GLYATL2: variants seen among roughly 807,000 people sequenced by gnomAD.
GLYATL2 encodes the protein glycine-N-acyltransferase like 2.
A neutral mutation model predicts 21.4 loss-of-function variants in GLYATL2; 25 were observed. The observed-to-expected ratio is 1.17, with a 90% CI of 0.85 to 1.63. GLYATL2 has a LOEUF of 1.63. GLYATL2 is among the 40% of genes most tolerant of loss of function. GLYATL2 has a pLI of 0.00. For synonymous variants in GLYATL2, 114 were observed against 118.2 expected (o/e 0.96, Z 0.23); for missense variants, 361 against 343.3 (o/e 1.05, Z -0.41).
chr11:58,885,476 A>T (rs1854420452), intron 1 of GLYATL2: 1 of 511,006 alleles, frequency 2.0e-6, no homozygotes, highest in Non-Finnish European at 3.9e-6. Flanking sequence ...GAACCCCTTC[A>T]ACATGGAGGT....
rs71064493 is a variant in GLYATL2 at position 58,840,840 on chromosome 11, A to AAAAATAAAATAAAATAAAATAAAAT, written c.-40-1213_-40-1189dup. On this transcript the variant is annotated intron_variant, in intron 1 of 5. Transcript: ENST00000287275. ...GGTGACAGTGTGAGACTCTATCTCA[A>AAAAATAAAATAAAATAAAATAAAAT]AAAATAAAATAAAATAAAATAAAAT... 604 of 134,900 alleles carry AAAAATAAAATAAAATAAAATAAAAT rather than the reference A, an allele frequency of 4.5e-3. 5 individuals carry two copies. Among genetic ancestry groups the AAAAATAAAATAAAATAAAATAAAAT allele is most frequent in the African/African-American group, 0.016 (575 of 35,562 alleles). The allele number at this position is 134,900 out of a possible 1,614,324, so 8.4% of individuals were successfully genotyped here.
At chr11:58,872,632 C>G (rs987468539) in intron 1 of GLYATL2, among the ~76,000 whole-genome samples, 1 of 152,210 alleles carries the variant, frequency 6.6e-6, no homozygotes, top group Non-Finnish European at 1.5e-5. Context: ...CTGTTCTGTT[C>G]CATTGATCTA....
rs775116293 is a variant in GLYATL2, at chr11:58,837,142, C to A, written c.349G>T (p.Val117Phe). The change falls in exon 5 of 6, where the codon GTT (valine) becomes TTT (phenylalanine). Residue 117 changes from valine (V) to phenylalanine (F), a missense_variant. Val to Phe is a conservative substitution (Grantham distance 50, BLOSUM62 -1). Coordinates refer to ENST00000287275, the MANE Select transcript of GLYATL2 (RefSeq NM_145016.4). ...QEGLDEAIRKVATSKSVQVDY... is the reference protein window; with the variant it reads ...QEGLDEAIRKFATSKSVQVDY... ...ACCTGCACTGATTTTGAAGTTGCAA[C>A]CTTTCTTATTGCTTCATCCAAGCCC... 1.7e-5 allele frequency: 28 copies of A among 1,613,792 alleles called. No homozygotes were observed. The South Asian group carries it at 2.0e-4, about 11-fold the overall frequency.
chr11:58,838,909 T>C (rs1853492934), intron 2 of GLYATL2, among the ~76,000 whole-genome samples: 1 of 152,110 alleles, frequency 6.6e-6, no homozygotes, highest in African/African-American at 2.4e-5. Context: ...TCAGAAGCAA[T>C]ATCTGAACTG....
At chr11:58,903,406 C>T (rs898364259) in intron 1 of GLYATL2, among the ~76,000 whole-genome samples, 15 of 152,110 alleles carry the variant, frequency 9.9e-5, no homozygotes, top group African/African-American at 2.7e-4. Flanking sequence ...GGTGCAGTGG[C>T]TCATATCTGT....
At chr11:58,857,150 G>A (rs1480252199) in intron 1 of GLYATL2, among the ~76,000 whole-genome samples, 1 of 152,134 alleles carries the variant, frequency 6.6e-6, no homozygotes, top group Non-Finnish European at 1.5e-5. Flanking sequence ...CAGTGCACAA[G>A]GGTTCTCCTC....
Position 58,878,899 on chromosome 11 carries a change from G to C in GLYATL2, n.60+25257C>G, listed in dbSNP as rs181957859. 1.1e-3 allele frequency among the ~76,000 whole-genome samples: 161 copies of C among 152,294 alleles called. 1 individual carries two copies. Among genetic ancestry groups the C allele is most frequent in the Middle Eastern group, 0.01 (3 of 294 alleles). ...GCATTGAAGTACATTTAAAAATGAG[G>C]GTCCTCAGTAAAGTCCCTTTTGGCT... On this transcript the variant is annotated intron_variant and non_coding_transcript_variant, in intron 1 of 4. Transcript: ENST00000533636.
intron 1 of GLYATL2, among the ~76,000 whole-genome samples, chr11:58,889,972 A>G (rs1299547718): frequency 6.6e-6 from 1 of 152,126 alleles, no homozygotes; most frequent in African/African-American, 2.4e-5. Context: ...CCTTTTAGAT[A>G]CAGGGGTTAC....
chr11:58,851,802 C>A (rs559163240), intron 1 of GLYATL2, among the ~76,000 whole-genome samples: 8 of 152,100 alleles, frequency 5.3e-5, no homozygotes, highest in Non-Finnish European at 1.2e-4. Context: ...AGATGGCAAG[C>A]CACTGGAAAG....
At chr11:58,854,316 G>T in intron 1 of GLYATL2, among the ~76,000 whole-genome samples, 1 of 152,122 alleles carries the variant, frequency 6.6e-6, no homozygotes, top group Non-Finnish European at 1.5e-5. Flanking sequence ...AGATATGGAG[G>T]GTTTAGTTCC....
chr11:58,896,712 G>T (rs201759506), intron 1 of GLYATL2, among the ~76,000 whole-genome samples: 4 of 5,264 alleles, frequency 7.6e-4, no homozygotes, highest in African/African-American at 8.4e-4. Context: ...AACTTCTGTC[G>T]TTTTCAAACT....
chr11:58,834,471 A>G lies in GLYATL2; in HGVS notation c.843T>C (p.Cys281=), dbSNP rs1304889081. 2.5e-6 allele frequency: 4 copies of G among 1,608,606 alleles called. No homozygotes were observed. The highest frequency in any genetic ancestry group is 3.4e-6 in the Non-Finnish European group (4 of 1,177,480). The change falls in exon 6 of 6, where the codon TGT becomes TGC. Residue 281 remains cysteine, a synonymous_variant. Transcript: ENST00000287275. ...LNNLGFKICP[C]GWHQWKCTPK... is the part of the protein sequence containing the mutation. ...GGGTGCATTTCCACTGATGCCAGCC[A>G]CAAGGACAAATCTTAAACCCCAAAT...
At chr11:58,891,321 G>T (rs141031675) in intron 1 of GLYATL2, among the ~76,000 whole-genome samples, 1 of 152,122 alleles carries the variant, frequency 6.6e-6, no homozygotes, top group African/African-American at 2.4e-5. Context: ...ACCAGAATGG[G>T]ATCACAAGTC....
At chr11:58,873,496 G>C (rs990740128) in intron 1 of GLYATL2, among the ~76,000 whole-genome samples, 1 of 152,132 alleles carries the variant, frequency 6.6e-6, no homozygotes, top group East Asian at 1.9e-4. Context: ...TTAGCATGAA[G>C]GGCTGTTGAA....
upstream of GLYATL2, among the ~76,000 whole-genome samples, chr11:58,848,669 A>G (rs1355932341): frequency 6.6e-6 from 1 of 152,198 alleles, no homozygotes; most frequent in Admixed American, 6.5e-5. Context: ...ATACAAAATA[A>G]AAAAATTAAA....
chr11:58,906,773 G>A (rs1275066575), upstream of GLYATL2, among the ~76,000 whole-genome samples: 1 of 152,208 alleles, frequency 6.6e-6, no homozygotes, highest in Non-Finnish European at 1.5e-5. Flanking sequence ...ACAGCTGCAA[G>A]CACAGGTTAC....
intron 1 of GLYATL2, among the ~76,000 whole-genome samples, chr11:58,854,914 C>T (rs1853802717): frequency 6.6e-6 from 1 of 152,204 alleles, no homozygotes; most frequent in Non-Finnish European, 1.5e-5. Flanking sequence ...CTTATCCATT[C>T]AGGTTTTATC....
chr11:58,864,864 T>A (rs1853996537), intron 1 of GLYATL2, among the ~76,000 whole-genome samples: 1 of 149,086 alleles, frequency 6.7e-6, no homozygotes, highest in South Asian at 2.1e-4. Flanking sequence ...TTCTAAATAA[T>A]GATTTTCAAA....
intron 1 of GLYATL2, among the ~76,000 whole-genome samples, chr11:58,856,206 CT>C (rs1273982491): frequency 1.2e-4 from 19 of 152,156 alleles, no homozygotes; most frequent in Admixed American, 9.8e-4. Flanking sequence ...TAGCTTCCAA[CT>C]TTTTTTCTGC....
Sources: gnomAD v4.1 joint callset for allele counts (sites outside exome capture counted in the v4.1 genomes callset) on GRCh38, gnomAD v4.1.1 for gene constraint, MANE v1.5 for transcripts, NCBI Gene and HGNC (gene_info 2026-07-23, HGNC 2026-07-21) for gene names.